Variants in ELK4 observed in about 807,000 individuals in gnomAD.
ELK4 encodes the protein ETS transcription factor ELK4.
In ELK4, 16 loss-of-function variants were observed where a neutral mutation model predicts 29.6. The ratio of observed to expected loss-of-function variants is 0.54; its 90% confidence interval spans 0.37 to 0.82. ELK4 has a LOEUF of 0.82. ELK4 is among the 40% of genes least tolerant of loss of function. The pLI, the probability that ELK4 is intolerant of heterozygous loss-of-function variation, is 0.00. For missense variants in ELK4, 465 were observed against 507.1 expected (o/e 0.92, Z 0.80); for synonymous variants, 213 against 191.1 (o/e 1.11, Z -0.95).
intron 1 of ELK4, chr1:205,625,809 GCTGGGAT>G: frequency 1.6e-6 from 1 of 613,186 alleles, no homozygotes; most frequent in Non-Finnish European, 2.9e-6. Context: ...CTCCCGAGTA[GCTGGGAT>G]TATAGGTGCA....
Position 205,612,921 on chromosome 1 carries a change from C to A in ELK4, c.*3625G>T, listed in dbSNP as rs772346249. The A allele has an allele frequency of 4.9e-6, 1 of 205,572 alleles. No homozygotes were observed. Among genetic ancestry groups the A allele is most frequent in the Non-Finnish European group, 9.9e-6 (1 of 100,632 alleles). The allele number at this position is 205,572 out of a possible 1,614,324, so 12.7% of individuals were successfully genotyped here. On this transcript the variant is annotated 3_prime_UTR_variant, in exon 5 of 5. Transcript: ENST00000357992. ...TAATAGAGGCTCATAGGTTTACTGT[C>A]CCTATCAAAATTTCAACTGTCAAAA...
At chr1:205,618,354 G>A (rs895861874) in intron 4 of ELK4, among the ~76,000 whole-genome samples, 13 of 151,710 alleles carry the variant, frequency 8.6e-5, no homozygotes, top group Middle Eastern at 3.4e-3. Flanking sequence ...TTTAAATAGA[G>A]AATTTCTAGT....
rs1177891516 is a variant in ELK4, at chr1:205,612,030, C to A, written c.*4516G>T. On this transcript the variant is annotated 3_prime_UTR_variant, in exon 5 of 5. Coordinates refer to ENST00000357992, the MANE Select transcript of ELK4 (RefSeq NM_001973.4). ...TTGTTGGTAAAATATAACATAAGTC[C>A]CAAAGAAGTCTGTGAGCAGACTAGT... The A allele has an allele frequency of 5.3e-6, 1 of 189,156 alleles. No individual in the cohort carries two copies. Among genetic ancestry groups the A allele is most frequent in the East Asian group, 8.5e-5 (1 of 11,832 alleles). 11.7% of individuals were successfully genotyped at this position (189,156 alleles called of 1,614,324 possible).
At chr1:205,616,836 A>G (rs982964772) in intron 4 of ELK4, among the ~76,000 whole-genome samples, 192 bp from the exon 5 acceptor site, 1 of 152,256 alleles carries the variant, frequency 6.6e-6, no homozygotes. Flanking sequence ...TTGTCCTAAC[A>G]TATTAAATAT....
Position 205,613,688 on chromosome 1 carries a change from C to A in ELK4, c.*2858G>T, listed in dbSNP as rs998824846. ...TCCCCCCCACCCCCACCCCAGAGAT[C>A]CTGGTTGTTAAACATTTCTAGCACA... On this transcript the variant is annotated 3_prime_UTR_variant, in exon 5 of 5. Transcript: ENST00000357992. 4 of 123,716 alleles carry A rather than the reference C, an allele frequency of 3.2e-5. No individual in the cohort carries two copies. The highest frequency in any genetic ancestry group is 1.2e-4 in the African/African-American group (4 of 32,442). 7.7% of individuals were successfully genotyped at this position (123,716 alleles called of 1,614,324 possible).
chr1:205,625,420 ACCCACCT>A, intron 1 of ELK4: 1 of 542,130 alleles, frequency 1.8e-6, no homozygotes. Context: ...TATCACTGCC[ACCCACCT>A]CCCGGCTCCC....
At position 205,612,395 on chromosome 1, in the gene ELK4, A is replaced by T. The variant is rs1670164638; in HGVS notation, c.*4151T>A. 1 of 218,510 alleles carries T rather than the reference A, an allele frequency of 4.6e-6. No individual in the cohort carries two copies. The highest frequency in any genetic ancestry group is 2.2e-5 in the African/African-American group (1 of 44,496). 13.5% of individuals were successfully genotyped at this position (218,510 alleles called of 1,614,324 possible). A position where few individuals can be genotyped will look rare whatever the true frequency, so the allele number is the denominator to read the frequency against. On this transcript the variant is annotated 3_prime_UTR_variant, in exon 5 of 5. Transcript: ENST00000357992. The stretch of plus-strand genomic sequence containing the variant: ...AAAATACTATAACTGCTACTCAAGA[A>T]TTACTTTTTATGCCATCCTTCACTT...
rs571001098 is a variant in ELK4 at position 205,626,496 on chromosome 1, C to A, written c.-9-2605G>T. Among the ~76,000 whole-genome samples, 23 of 152,206 alleles carry A rather than the reference C, an allele frequency of 1.5e-4. No homozygotes were observed. The South Asian group carries it at 4.6e-3, about 30-fold the overall frequency. On this transcript the variant is annotated intron_variant, in intron 1 of 4. Coordinates refer to ENST00000357992, the MANE Select transcript of ELK4 (RefSeq NM_001973.4). ...CCCAGCAATCCCTTCCTTTTACTAC[C>A]TTTTTGGGGGGTAGTTGGAAGGGAC... is the stretch of plus-strand genomic sequence containing the variant.
rs148763953 is a variant in ELK4, at chr1:205,610,420, T to C, written c.*6126A>G. On this transcript the variant is annotated 3_prime_UTR_variant, in exon 5 of 5. Transcript: ENST00000357992. ...AATCCATGGTCGAATCTCTGTACTT[T>C]AGAAATACTGCTTCCAGTATAAACC... The C allele has an allele frequency of 4.3e-5, 10 of 230,696 alleles. No homozygotes were observed. The highest frequency in any genetic ancestry group is 1.5e-4 in the African/African-American group (7 of 45,346). 14.3% of individuals were successfully genotyped at this position (230,696 alleles called of 1,614,324 possible).
At chr1:205,626,746 G>A (rs1268413486) in intron 1 of ELK4, among the ~76,000 whole-genome samples, 2 of 152,118 alleles carry the variant, frequency 1.3e-5, no homozygotes, top group African/African-American at 4.8e-5. Context: ...AATGTAAAAT[G>A]GTGTAGCCAC....
At chr1:205,621,195 A>T (rs1270997494) in intron 2 of ELK4, among the ~76,000 whole-genome samples, 71 of 111,502 alleles carry the variant, frequency 6.4e-4, no homozygotes, top group African/African-American at 2.2e-3. Context: ...GTCTGTCTTA[A>T]AAAAAAAAAA....
intron 1 of ELK4, among the ~76,000 whole-genome samples, chr1:205,629,890 CAA>C (rs1311632025): frequency 1.3e-5 from 2 of 151,692 alleles, no homozygotes; most frequent in Non-Finnish European, 2.9e-5. Flanking sequence ...CTGTCTTTAC[CAA>C]AAATACAAAA....
At chr1:205,629,253 T>C (rs1359777110) in intron 1 of ELK4, among the ~76,000 whole-genome samples, 2 of 151,638 alleles carry the variant, frequency 1.3e-5, no homozygotes, top group South Asian at 2.1e-4. Context: ...GAGAAAAAGA[T>C]ATAAAGTGGA....
At position 205,611,895 on chromosome 1, in the gene ELK4, C is replaced by T. The variant is rs1223664084; in HGVS notation, c.*4651G>A. 3 of 187,602 alleles carry T rather than the reference C, an allele frequency of 1.6e-5. No individual in the cohort carries two copies. The highest frequency in any genetic ancestry group is 2.3e-5 in the African/African-American group (1 of 42,806). The allele number at this position is 187,602 out of a possible 1,614,324, so 11.6% of individuals were successfully genotyped here. On this transcript the variant is annotated 3_prime_UTR_variant, in exon 5 of 5. Coordinates refer to ENST00000357992, the MANE Select transcript of ELK4 (RefSeq NM_001973.4). Reference sequence around the variant, plus strand: ...GAACAGACCTATAAAGAAAAGTATTCCTTTAGTTGCTGAAATATCAGATTT... The same window carrying T: ...GAACAGACCTATAAAGAAAAGTATTTCTTTAGTTGCTGAAATATCAGATTT...
intron 4 of ELK4, among the ~76,000 whole-genome samples, chr1:205,617,421 T>G (rs986894858): frequency 2.6e-5 from 4 of 152,096 alleles, no homozygotes; most frequent in African/African-American, 9.7e-5. Context: ...AACATCTAAG[T>G]GTTTTGGGCA....
chr1:205,629,202 T>C, intron 1 of ELK4, among the ~76,000 whole-genome samples: 1 of 130,620 alleles, frequency 7.7e-6, no homozygotes, highest in East Asian at 2.4e-4. Context: ...AAGAAAAAAA[T>C]GGCTTTGAGG....
intron 2 of ELK4, among the ~76,000 whole-genome samples, chr1:205,622,620 G>A (rs1670372897): frequency 6.6e-6 from 1 of 152,152 alleles, no homozygotes; most frequent in Non-Finnish European, 1.5e-5. Flanking sequence ...CTGGGCTCAA[G>A]TGATCCTCCT....
intron 1 of ELK4, chr1:205,625,761 C>A (rs933761636): frequency 4.1e-5 from 27 of 656,892 alleles, no homozygotes; most frequent in Non-Finnish European, 7.5e-5. Flanking sequence ...TCACTGCAAC[C>A]TCCGCCTCCT....
intron 1 of ELK4, chr1:205,625,492 G>A (rs12731801): frequency 1.7e-4 from 119 of 703,302 alleles, no homozygotes; most frequent in Middle Eastern, 8.2e-4. Flanking sequence ...GATGAAATTC[G>A]TGTACAAAGA....
Sources: gnomAD v4.1 joint callset for allele counts (sites outside exome capture counted in the v4.1 genomes callset) on GRCh38, gnomAD v4.1.1 for gene constraint, MANE v1.5 for transcripts, NCBI Gene and HGNC (gene_info 2026-07-23, HGNC 2026-07-21) for gene names.